Variants in YY1AP1 observed in about 807,000 individuals in gnomAD.
YY1AP1 encodes the protein YY1 associated protein 1, also known as YY1-associated protein 1.
Under a neutral mutation model 39.9 loss-of-function variants are expected in YY1AP1, and 43 were observed. The observed-to-expected ratio is 1.08, with a 90% CI of 0.84 to 1.39. The LOEUF (loss-of-function observed/expected upper bound fraction) is 1.39. Among genes scored for constraint, YY1AP1 ranks in the 40% most tolerant of loss-of-function variants. YY1AP1 has a pLI of 0.00. For missense variants in YY1AP1, 813 were observed against 900.7 expected (o/e 0.90, Z 1.25); for synonymous variants, 292 against 331.3 (o/e 0.88, Z 1.29).
chr1:155,684,073 C>A (rs1037659196), intron 2 of YY1AP1, among the ~76,000 whole-genome samples: 19 of 152,134 alleles, frequency 1.2e-4, no homozygotes, highest in South Asian at 2.1e-4. Flanking sequence ...CGTGGGGAAA[C>A]CCTGTCTCAA....
At chr1:155,688,839 G>T, upstream of YY1AP1, 1 of 1,586,774 alleles carries the variant, frequency 6.3e-7, no homozygotes, top group East Asian at 2.3e-5. Flanking sequence ...GCGGCTGCAG[G>T]GGCAGGAGAG....
At position 155,660,582 on chromosome 1, in the gene YY1AP1, G is replaced by C; in HGVS notation, c.1328C>G (p.Pro443Arg). The change falls in exon 11 of 11, where the codon CCG (proline) becomes CGG (arginine). Residue 443 changes from proline to arginine, a missense_variant. Pro to Arg is a moderately radical substitution (Grantham distance 103). Transcript: ENST00000355499. ...AGGAATCCGGAGCACCATTTTGCTC[G>C]GAGGGGCTTCTGAATGAGTTGATTG... The part of the protein sequence containing the change: ...PAQSTHSEAP[P>R]SKMVLRIPHP... 1.2e-6 allele frequency: 2 copies of C among 1,614,192 alleles called. No individual in the cohort carries two copies. The highest frequency in any genetic ancestry group is 1.7e-6 in the Non-Finnish European group (2 of 1,180,032).
intron 2 of YY1AP1, among the ~76,000 whole-genome samples, chr1:155,681,556 T>C (rs1414396944): frequency 2.6e-5 from 4 of 151,910 alleles, no homozygotes; most frequent in African/African-American, 4.8e-5. Context: ...CCCACTGCAT[T>C]CCAGCCTGAA....
intron 3 of YY1AP1, chr1:155,680,108 G>A: frequency 7.5e-6 from 2 of 266,422 alleles, no homozygotes; most frequent in South Asian, 8.7e-5. Context: ...AGCCCTGGAG[G>A]TCGAGGCTGC....
chr1:155,674,567 CTG>C (rs1327736179), intron 6 of YY1AP1: 2 of 161,586 alleles, frequency 1.2e-5, no homozygotes, highest in African/African-American at 4.8e-5. Context: ...TGGCTCATGG[CTG>C]TAATCCCAGT....
At chr1:155,672,753 A>G (rs1558308307) in intron 6 of YY1AP1, 22 bp from the exon 7 acceptor site, 2 of 1,614,210 alleles carry the variant, frequency 1.2e-6, no homozygotes, top group Non-Finnish European at 8.5e-7. Context: ...CGACACAAGG[A>G]AGATCTAAGA....
rs188043733 is a variant in YY1AP1, at chr1:155,688,191, G to T, written c.-141C>A. On this transcript the variant is annotated 5_prime_UTR_variant, in exon 2 of 11. Coordinates refer to ENST00000355499, the MANE Select transcript of YY1AP1 (RefSeq NM_139119.3). ...TCCCGCTTGTCAGGAGGCGGCCAGC[G>T]GGTAAGCCGACTGGCGGAAATGCGA... is the stretch of plus-strand genomic sequence containing the variant. 2 of 1,613,866 alleles carry T rather than the reference G, an allele frequency of 1.2e-6. No individual in the cohort carries two copies. The highest frequency in any genetic ancestry group is 1.7e-5 in the Admixed American group (1 of 60,008).
rs1050769749 is a variant in YY1AP1, at chr1:155,659,596, T to C, written c.*61A>G. The C allele has an allele frequency of 1.3e-6, 2 of 1,584,660 alleles. No homozygotes were observed. Among genetic ancestry groups the C allele is most frequent in the Non-Finnish European group, 8.6e-7 (1 of 1,159,074 alleles). ...GGGGTTTCCTATTGGTTACACCCTA[T>C]GCGCCACCAATCGGAGGCCGAAGTG... On this transcript the variant is annotated 3_prime_UTR_variant, in exon 11 of 11. Transcript: ENST00000355499.
intron 9 of YY1AP1, among the ~76,000 whole-genome samples, chr1:155,661,749 AG>A (rs1376207476): frequency 6.6e-6 from 1 of 152,146 alleles, no homozygotes; most frequent in Non-Finnish European, 1.5e-5. Flanking sequence ...TCCACCTCCC[AG>A]GTTCACGCCA....
chr1:155,675,065 A>G lies in YY1AP1; in HGVS notation c.356T>C (p.Leu119Pro), dbSNP rs1302680699. 1.2e-6 allele frequency: 2 copies of G among 1,613,778 alleles called. No individual in the cohort carries two copies. The highest frequency in any genetic ancestry group is 1.3e-5 in the African/African-American group (1 of 74,918). ...HVQLLTQIHL[L>P]ATCNPNLNPE... ...ATTGAGATTGGGGTTGCAGGTGGCA[A>G]GAAGGTGGATTTGTGTCAAGAGCTG... Residue 119 changes from leucine to proline, a missense_variant, in exon 6 of 11, where the codon CTT becomes CCT. Around this residue, in one of 3 missense-constraint regions of YY1AP1, gnomAD observed 196 missense variants for 189.7 expected, o/e 1.03. Coordinates refer to ENST00000355499, the MANE Select transcript of YY1AP1 (RefSeq NM_139119.3).
At chr1:155,670,713 T>A in intron 7 of YY1AP1, 3 of 394,904 alleles carry the variant, frequency 7.6e-6, no homozygotes, top group South Asian at 6.9e-5. Context: ...TCTGGCTCTG[T>A]CGCCCAGACT....
intron 6 of YY1AP1, among the ~76,000 whole-genome samples, chr1:155,673,513 G>C (rs1405957146): frequency 1.3e-5 from 2 of 152,040 alleles, no homozygotes; most frequent in African/African-American, 4.8e-5. Context: ...ATCATTACCT[G>C]TCCAAAAGTT....
chr1:155,681,319 C>T (rs1416179996), intron 2 of YY1AP1, among the ~76,000 whole-genome samples: 1 of 152,114 alleles, frequency 6.6e-6, no homozygotes, highest in African/African-American at 2.4e-5. Flanking sequence ...CATGAGCCAC[C>T]ATGACCAGCC....
At chr1:155,686,277 C>T (rs146567865) in intron 2 of YY1AP1, among the ~76,000 whole-genome samples, 1 of 151,888 alleles carries the variant, frequency 6.6e-6, no homozygotes, top group East Asian at 1.9e-4. Flanking sequence ...CCTCGTGATT[C>T]GATCTCCTGA....
intron 9 of YY1AP1, among the ~76,000 whole-genome samples, chr1:155,664,533 G>A (rs896385718): frequency 5.3e-5 from 8 of 151,850 alleles, no homozygotes; most frequent in Admixed American, 3.3e-4. Flanking sequence ...TCAGGGGTTC[G>A]AGATCACCTG....
At chr1:155,688,399 C>G (rs1030099653) in intron 1 of YY1AP1, 198 bp from the exon 2 acceptor site, 1 of 1,543,960 alleles carries the variant, frequency 6.5e-7, no homozygotes, top group African/African-American at 1.4e-5. Context: ...GCGACACCCC[C>G]AACCTCCCAC....
At chr1:155,668,590 G>A (rs1343120154) in intron 9 of YY1AP1, 37 bp downstream of exon 9, 2 of 1,613,976 alleles carry the variant, frequency 1.2e-6, no homozygotes, top group East Asian at 2.2e-5. Context: ...ATATGTGTTG[G>A]TGAGGTGCCT....
Position 155,660,026 on chromosome 1 carries a change from T to A in YY1AP1, c.1884A>T (p.Pro628=), listed in dbSNP as rs779441118. The stretch of plus-strand genomic sequence containing the variant: ...TGTGGGCCTTATCTTCAGGGGTGGA[T>A]GGTATAGGAAGATTCACAGAATTGC... The part of the protein sequence containing the change: ...VSGNSVNLPI[P]STPEDKAHMN... The change falls in exon 11 of 11, where the codon CCA becomes CCT. Residue 628 remains proline, a synonymous_variant. Transcript: ENST00000355499. 9 of 1,614,054 alleles carry A rather than the reference T, an allele frequency of 5.6e-6. No homozygotes were observed. In the South Asian group the frequency reaches 9.9e-5, roughly 18 times the overall value.
chr1:155,685,232 CA>C (rs1238455017), intron 2 of YY1AP1, among the ~76,000 whole-genome samples: 1 of 152,100 alleles, frequency 6.6e-6, no homozygotes, highest in East Asian at 1.9e-4. Flanking sequence ...AAAGTCTTTG[CA>C]ATTGGGTAAT....
Sources: gnomAD v4.1 joint callset for allele counts (sites outside exome capture counted in the v4.1 genomes callset) on GRCh38, gnomAD v4.1.1 for gene constraint, gnomAD v4.1.1 regional missense constraint, MANE v1.5 for transcripts, NCBI Gene and HGNC (gene_info 2026-07-23, HGNC 2026-07-21) for gene names.